SLAIN1: variants seen among roughly 807,000 people sequenced by gnomAD.
SLAIN1 encodes the protein SLAIN motif-containing protein 1.
A neutral mutation model predicts 55.4 loss-of-function variants in SLAIN1; 17 were observed. That is an observed-to-expected ratio of 0.31 (90% CI 0.21 to 0.46). The LOEUF is 0.46. SLAIN1 is among the 20% of genes least tolerant of loss of function. The pLI is 1.00. For synonymous variants in SLAIN1, 348 were observed against 337.4 expected (o/e 1.03, Z -0.35); for missense variants, 682 against 785.1 (o/e 0.87, Z 1.57).
intron 6 of SLAIN1, 145 bp from the exon 7 acceptor site, chr13:77,763,000 G>C (rs1484239384): frequency 1.5e-6 from 1 of 645,372 alleles, no homozygotes; most frequent in African/African-American, 1.8e-5. Context: ...CCGTAAGTGT[G>C]AACCACAAGG....
chr13:77,707,692 C>A (rs1331592996), intron 1 of SLAIN1, among the ~76,000 whole-genome samples: 1 of 152,092 alleles, frequency 6.6e-6, no homozygotes, highest in African/African-American at 2.4e-5. Context: ...CATAAACCTT[C>A]TATACTCCTA....
chr13:77,716,438 G>T (rs2091208634), intron 1 of SLAIN1, among the ~76,000 whole-genome samples: 1 of 151,674 alleles, frequency 6.6e-6, no homozygotes, highest in Non-Finnish European at 1.5e-5. Flanking sequence ...TTTCTATTGG[G>T]ATTTTGCAAA....
At chr13:77,723,232 C>A (rs944626863) in intron 2 of SLAIN1, among the ~76,000 whole-genome samples, 2 of 152,088 alleles carry the variant, frequency 1.3e-5, no homozygotes, top group Non-Finnish European at 2.9e-5. Flanking sequence ...CTTCAGGCAG[C>A]GCCCTATTCT....
chr13:77,742,743 A>G (rs1216316704), intron 2 of SLAIN1: 2 of 152,526 alleles, frequency 1.3e-5, no homozygotes, highest in African/African-American at 4.8e-5. Flanking sequence ...GTAGAAACTC[A>G]AAATAAATTT....
intron 4 of SLAIN1, among the ~76,000 whole-genome samples, chr13:77,751,295 T>C (rs967165712): frequency 1.3e-5 from 2 of 152,208 alleles, no homozygotes; most frequent in African/African-American, 4.8e-5. Flanking sequence ...TATCAAAATG[T>C]TAATCTTTAA....
chr13:77,745,182 G>A (rs1358139162), intron 3 of SLAIN1, among the ~76,000 whole-genome samples: 1 of 151,864 alleles, frequency 6.6e-6, no homozygotes, highest in Non-Finnish European at 1.5e-5. Flanking sequence ...CTTTGAACCT[G>A]TAGGTAATGA....
intron 6 of SLAIN1, among the ~76,000 whole-genome samples, chr13:77,761,507 C>A (rs1224629441): frequency 6.6e-6 from 1 of 152,142 alleles, no homozygotes; most frequent in Admixed American, 6.5e-5. Context: ...CTTTTTGGTT[C>A]ATTGCTGTGT....
At chr13:77,725,003 C>T (rs2091294848) in intron 2 of SLAIN1, among the ~76,000 whole-genome samples, 1 of 152,144 alleles carries the variant, frequency 6.6e-6, no homozygotes, top group African/African-American at 2.4e-5. Context: ...TTTTGTTGAG[C>T]ACCAGTTCTC....
At chr13:77,740,434 G>A (rs768344018) in intron 2 of SLAIN1, among the ~76,000 whole-genome samples, 5 of 151,888 alleles carry the variant, frequency 3.3e-5, no homozygotes, top group Non-Finnish European at 7.4e-5. Flanking sequence ...TTGATTCAGT[G>A]TGTAGTCCTG....
intron 5 of SLAIN1, among the ~76,000 whole-genome samples, chr13:77,759,335 A>C (rs989967215): frequency 4.6e-5 from 7 of 152,050 alleles, no homozygotes; most frequent in African/African-American, 1.7e-4. Flanking sequence ...TTTTTGGATG[A>C]ATCTTCAGGG....
intron 1 of SLAIN1, among the ~76,000 whole-genome samples, chr13:77,703,106 A>G (rs2091047476): frequency 6.6e-6 from 1 of 152,152 alleles, no homozygotes; most frequent in African/African-American, 2.4e-5. Flanking sequence ...CCATATAAGG[A>G]GGCTTTATTT....
intron 2 of SLAIN1, among the ~76,000 whole-genome samples, chr13:77,737,671 C>T (rs150384141): frequency 3.6e-4 from 55 of 152,182 alleles, no homozygotes; most frequent in Middle Eastern, 3.4e-3. Context: ...GAGATAAGCT[C>T]CTCAACCTTC....
intron 2 of SLAIN1, among the ~76,000 whole-genome samples, chr13:77,727,735 A>T (rs1212882190): frequency 2.0e-5 from 3 of 152,146 alleles, no homozygotes; most frequent in Non-Finnish European, 2.9e-5. Context: ...TGTGATTGAG[A>T]TGGTTGTCCT....
At chr13:77,699,253 A>T (rs372282810) in intron 1 of SLAIN1, 324 of 366,384 alleles carry the variant, frequency 8.8e-4, no homozygotes, top group Admixed American at 2.5e-3. Flanking sequence ...TTATTTATTT[A>T]TTTTTTTACC....
In SLAIN1 at chr13:77,763,366, C is replaced by A; in HGVS notation, c.*146C>A. 3.2e-6 allele frequency: 2 copies of A among 624,504 alleles called. No homozygotes were observed. Among genetic ancestry groups the A allele is most frequent in the South Asian group, 4.0e-5 (2 of 50,288 alleles). 38.7% of individuals were successfully genotyped at this position (624,504 alleles called of 1,614,324 possible). A position where few individuals can be genotyped will look rare whatever the true frequency, so the allele number is the denominator to read the frequency against. ...CTGCATTGTTTCTCAATGGACCAGTCACCAGAGACTAATTATTGCACTTAA... is the reference window on the plus strand; with the variant it reads ...CTGCATTGTTTCTCAATGGACCAGTAACCAGAGACTAATTATTGCACTTAA... On this transcript the variant is annotated 3_prime_UTR_variant, in exon 7 of 7. Transcript: ENST00000418532.
chr13:77,755,787 T>G (rs1300474879), intron 5 of SLAIN1, among the ~76,000 whole-genome samples: 1 of 152,208 alleles, frequency 6.6e-6, no homozygotes, highest in African/African-American at 2.4e-5. Context: ...AGCATAATAC[T>G]GAGAGAAAGC....
intron 2 of SLAIN1, among the ~76,000 whole-genome samples, chr13:77,737,266 A>C (rs1873169207): frequency 6.6e-6 from 1 of 151,690 alleles, no homozygotes; most frequent in Admixed American, 6.6e-5. Flanking sequence ...ATTCTCACCA[A>C]ATTTTCTGCT....
intron 2 of SLAIN1, among the ~76,000 whole-genome samples, chr13:77,740,012 A>C (rs1041767937): frequency 1.3e-5 from 2 of 152,088 alleles, no homozygotes; most frequent in African/African-American, 4.8e-5. Flanking sequence ...ATTCAGTAGA[A>C]GATGATTGTC....
chr13:77,750,912 C>G (rs1874162493), intron 4 of SLAIN1, among the ~76,000 whole-genome samples: 1 of 152,116 alleles, frequency 6.6e-6, no homozygotes, highest in Admixed American at 6.6e-5. Context: ...TTTATGCTCT[C>G]TTATTATACA....
Sources: gnomAD v4.1 joint callset for allele counts (sites outside exome capture counted in the v4.1 genomes callset) on GRCh38, gnomAD v4.1.1 for gene constraint, MANE v1.5 for transcripts, NCBI Gene and HGNC (gene_info 2026-07-23, HGNC 2026-07-21) for gene names.